The following SEMA4D variants were observed in gnomAD, a reference collection of about 807,000 sequenced individuals.
SEMA4D encodes the protein semaphorin 4D.
A neutral mutation model predicts 74.8 loss-of-function variants in SEMA4D; 22 were observed. That is an observed-to-expected ratio of 0.29 (90% CI 0.21 to 0.42). The LOEUF (loss-of-function observed/expected upper bound fraction) is 0.42, where lower values mean the gene tolerates loss of function less well. Among genes scored for constraint, SEMA4D ranks in the 10% least tolerant of loss-of-function variants. The probability of loss-of-function intolerance (pLI) is 1.00; values close to 1 mark genes in which losing one functional copy is unlikely to be tolerated. For synonymous variants in SEMA4D, 445 were observed against 463.7 expected (o/e 0.96, Z 0.52); for missense variants, 937 against 1,118.4 (o/e 0.84, Z 2.31).
At chr9:89,391,231 G>A (rs1839800616) in intron 9 of SEMA4D, 33 bp downstream of exon 9, 2 of 1,604,992 alleles carry the variant, frequency 1.2e-6, no homozygotes, top group Non-Finnish European at 1.7e-6. Flanking sequence ...GCCATGGCAG[G>A]GGCCAAGCGA....
At chr9:89,394,006 C>T (rs939267642) in intron 6 of SEMA4D, among the ~76,000 whole-genome samples, 6 of 152,218 alleles carry the variant, frequency 3.9e-5, no homozygotes, top group African/African-American at 7.2e-5. Flanking sequence ...AGTATGTAAT[C>T]GGAAGCCCAT....
At chr9:89,397,868 G>A (rs1012610758) in intron 5 of SEMA4D, among the ~76,000 whole-genome samples, 2 of 152,242 alleles carry the variant, frequency 1.3e-5, no homozygotes, top group South Asian at 2.1e-4. Context: ...GCCAGGTAGG[G>A]ACATGATGGC....
At chr9:89,390,320 G>C (rs1425438634) in intron 9 of SEMA4D, among the ~76,000 whole-genome samples, 1 of 151,810 alleles carries the variant, frequency 6.6e-6, no homozygotes, top group Non-Finnish European at 1.5e-5. Flanking sequence ...CTGTTGATAG[G>C]ATGGTTTCCT....
chr9:89,370,756 G>C (rs1174022954), intron 16 of SEMA4D, among the ~76,000 whole-genome samples: 14 of 134,062 alleles, frequency 1.0e-4, no homozygotes, highest in African/African-American at 1.6e-4. Context: ...GGGTGTGGTT[G>C]TGAGGGGTGT....
intron 2 of SEMA4D, among the ~76,000 whole-genome samples, chr9:89,423,573 A>G (rs1441098479): frequency 6.6e-6 from 1 of 152,148 alleles, no homozygotes; most frequent in Non-Finnish European, 1.5e-5. Flanking sequence ...TGGAGGAAGC[A>G]TATTGTGATA....
chr9:89,363,676 C>T (rs76395868), intron 17 of SEMA4D: 43,564 of 1,592,420 alleles, frequency 0.027, 691 homozygotes, highest in African/African-American at 0.041. Flanking sequence ...GTTTTTTTCA[C>T]TGCCATTGTA....
chr9:89,425,705 G>A (rs1353504204), intron 2 of SEMA4D, among the ~76,000 whole-genome samples: 1 of 152,182 alleles, frequency 6.6e-6, no homozygotes. Context: ...CTCCCCCAGT[G>A]TGCCCCACTG....
intron 9 of SEMA4D, among the ~76,000 whole-genome samples, chr9:89,390,015 A>G (rs1269321340): frequency 1.3e-5 from 2 of 152,190 alleles, no homozygotes; most frequent in Non-Finnish European, 2.9e-5. Context: ...AAAAGGGATC[A>G]GAGGGGATGA....
At chr9:89,395,126 A>T (rs1840661491) in intron 6 of SEMA4D, among the ~76,000 whole-genome samples, 1 of 152,172 alleles carries the variant, frequency 6.6e-6, no homozygotes, top group African/African-American at 2.4e-5. Flanking sequence ...ACTTTTATTA[A>T]AAATATTAGG....
intron 2 of SEMA4D, among the ~76,000 whole-genome samples, chr9:89,440,726 G>A (rs1354846202): frequency 6.6e-6 from 1 of 152,218 alleles, no homozygotes; most frequent in Non-Finnish European, 1.5e-5. Context: ...AGAGCAAAGT[G>A]GGGCTGACTC....
chr9:89,452,882 TTCA>T lies in SEMA4D; in HGVS notation c.-244+3003_-244+3005del, dbSNP rs1329644300. Among the ~76,000 whole-genome samples the T allele has an allele frequency of 6.6e-5, 10 of 152,308 alleles. No individual in the cohort carries two copies. The East Asian group carries it at 1.9e-3, about 29-fold the overall frequency. Reference sequence around the variant, plus strand: ...GCTTCAGAGAGGAAAGCTCACATTGTTCATCATTAGTCAGAGTAATGCACAGGA... The same window carrying T: ...GCTTCAGAGAGGAAAGCTCACATTGTTCATTAGTCAGAGTAATGCACAGGA... On this transcript the variant is annotated intron_variant, in intron 2 of 15. Coordinates refer to ENST00000422704, the MANE Select transcript of SEMA4D (RefSeq NM_001371194.2).
In SEMA4D at chr9:89,480,405, T is replaced by C. The variant is rs942060666; in HGVS notation, c.-310+17514A>G. ...CAGGTGGAGCTGCCTGCCAGTCCTG[T>C]GCCGTGCGCTCGCATTCCTCAGCCC... On this transcript the variant is annotated intron_variant, in intron 1 of 15. Transcript: ENST00000422704. Among the ~76,000 whole-genome samples, 49 of 152,338 alleles carry C rather than the reference T, an allele frequency of 3.2e-4. No individual in the cohort carries two copies. In the South Asian group the frequency reaches 3.5e-3, roughly 11 times the overall value.
At chr9:89,364,049 G>C in intron 16 of SEMA4D, 1 of 1,603,546 alleles carries the variant, frequency 6.2e-7, no homozygotes, top group South Asian at 1.1e-5. Flanking sequence ...GTCCCAGTTG[G>C]ACCTGAAGTG....
chr9:89,458,287 T>G (rs1273478720), intron 1 of SEMA4D, among the ~76,000 whole-genome samples: 1 of 152,208 alleles, frequency 6.6e-6, no homozygotes, highest in Non-Finnish European at 1.5e-5. Flanking sequence ...ACTTGGTCCC[T>G]GCATTTCTGA....
intron 2 of SEMA4D, among the ~76,000 whole-genome samples, chr9:89,438,759 A>T (rs1038530086): frequency 1.4e-5 from 2 of 147,224 alleles, no homozygotes; most frequent in Non-Finnish European, 3.0e-5. Context: ...TCTGCCTCCC[A>T]GGTTCACGCC....
chr9:89,405,836 A>T, intron 2 of SEMA4D, 137 bp from the exon 3 acceptor site: 1 of 1,289,650 alleles, frequency 7.8e-7, no homozygotes, highest in East Asian at 2.9e-5. Flanking sequence ...AGCGGGGGAC[A>T]AAGAGAGTCT....
intron 1 of SEMA4D, among the ~76,000 whole-genome samples, chr9:89,464,111 C>T (rs1291753519): frequency 6.6e-6 from 1 of 152,068 alleles, no homozygotes; most frequent in Non-Finnish European, 1.5e-5. Flanking sequence ...GAGTGTGACT[C>T]ACCTTCCCCC....
chr9:89,486,912 T>C (rs972342015), intron 1 of SEMA4D, among the ~76,000 whole-genome samples: 1 of 152,094 alleles, frequency 6.6e-6, no homozygotes, highest in Non-Finnish European at 1.5e-5. Context: ...AGTGAGACCT[T>C]GTCTCCAAAA....
chr9:89,494,330 C>T (rs1039838296), intron 1 of SEMA4D, among the ~76,000 whole-genome samples: 16 of 152,330 alleles, frequency 1.1e-4, no homozygotes, highest in Admixed American at 7.8e-4. Context: ...CATTCACACA[C>T]GCCCCACCCT....
Sources: allele counts gnomAD v4.1 joint callset (sites outside exome capture counted in the v4.1 genomes callset), GRCh38; gene constraint gnomAD v4.1.1; transcripts MANE v1.5; gene names NCBI Gene and HGNC (gene_info 2026-07-23, HGNC 2026-07-21).